TTC7A: variants seen among roughly 807,000 people sequenced by gnomAD.
TTC7A encodes the protein tetratricopeptide repeat domain 7A, also known as tetratricopeptide repeat protein 7A.
In TTC7A, 110 loss-of-function variants were observed where a neutral mutation model predicts 103.7. The ratio of observed to expected loss-of-function variants is 1.06; its 90% CI spans 0.91 to 1.24. TTC7A has a LOEUF of 1.24. TTC7A is among the 50% of genes most tolerant of loss of function. The probability of loss-of-function intolerance (pLI) is 0.00; values close to 1 mark genes in which losing one functional copy is unlikely to be tolerated. For synonymous variants in TTC7A, 521 were observed against 467.9 expected (o/e 1.11, Z -1.47); for missense variants, 1,340 against 1,116.3 (o/e 1.20, Z -2.86).
intron 2 of TTC7A, among the ~76,000 whole-genome samples, chr2:46,952,207 T>A (rs974982243): frequency 1.3e-5 from 2 of 152,086 alleles, no homozygotes; most frequent in East Asian, 3.9e-4. Context: ...GGGAGGTTTG[T>A]ATTGGGTTAA....
At chr2:46,956,645 A>T in intron 2 of TTC7A, 194 bp from the exon 3 acceptor site, 1 of 606,426 alleles carries the variant, frequency 1.6e-6, no homozygotes, top group Non-Finnish European at 2.9e-6. Context: ...TTTATTGAGA[A>T]CCACAATGTA....
chr2:46,994,894 C>T (rs962140010), intron 7 of TTC7A, among the ~76,000 whole-genome samples: 6 of 152,218 alleles, frequency 3.9e-5, no homozygotes, highest in East Asian at 1.9e-4. Flanking sequence ...AGTGCTGGTG[C>T]TGGGAGGAAT....
intron 2 of TTC7A, among the ~76,000 whole-genome samples, chr2:46,920,634 G>C (rs1241066196): frequency 6.9e-6 from 1 of 145,582 alleles, no homozygotes; most frequent in Non-Finnish European, 1.5e-5. Flanking sequence ...CCTGGCCTTA[G>C]TCTTAGGCTT....
At chr2:47,063,030 G>A (rs1683914815) in intron 19 of TTC7A, among the ~76,000 whole-genome samples, 2 of 152,242 alleles carry the variant, frequency 1.3e-5, no homozygotes, top group African/African-American at 4.8e-5. Flanking sequence ...TGTTCAGCCT[G>A]GGGAAGATTT....
At chr2:46,924,269 A>G (rs929839844) in intron 2 of TTC7A, among the ~76,000 whole-genome samples, 1 of 151,044 alleles carries the variant, frequency 6.6e-6, no homozygotes, top group South Asian at 2.1e-4. Flanking sequence ...CCTGTAAACC[A>G]GTAAAACTGT....
rs550329036 is a variant in TTC7A, at chr2:47,030,094, T to A, written c.1802+710T>A. 7.9e-5 allele frequency among the ~76,000 whole-genome samples: 12 copies of A among 152,356 alleles called. No individual in the cohort carries two copies. The East Asian group carries it at 2.3e-3, about 29-fold the overall frequency. On this transcript the variant is annotated intron_variant, in intron 15 of 19. Transcript: ENST00000319190. ...GTGACACTGAGTGTAACAGGCTTTGTTTCTCAGAACCCTGTGATCCCAGAT... is the reference window on the plus strand; with the variant it reads ...GTGACACTGAGTGTAACAGGCTTTGATTCTCAGAACCCTGTGATCCCAGAT...
intron 15 of TTC7A, among the ~76,000 whole-genome samples, chr2:47,034,899 C>G (rs897665215): frequency 2.0e-5 from 3 of 152,294 alleles, no homozygotes; most frequent in South Asian, 4.1e-4. Context: ...CCCGACAAGC[C>G]AGAGCACGTG....
At chr2:47,056,282 CACCCAAATGG>C (rs1683306597) in intron 18 of TTC7A, among the ~76,000 whole-genome samples, 2 of 152,240 alleles carry the variant, frequency 1.3e-5, no homozygotes, top group African/African-American at 4.8e-5. Flanking sequence ...TCCTTTGGGT[CACCCAAATGG>C]CCCCCACTGA....
chr2:47,016,136 A>T (rs2104513940), intron 11 of TTC7A, among the ~76,000 whole-genome samples: 1 of 152,372 alleles, frequency 6.6e-6, no homozygotes, highest in Non-Finnish European at 1.5e-5. Flanking sequence ...GCAAGAAGCC[A>T]GTCTGTGTAG....
intron 2 of TTC7A, among the ~76,000 whole-genome samples, chr2:46,924,288 C>A (rs941289342): frequency 6.6e-5 from 10 of 151,744 alleles, no homozygotes; most frequent in Non-Finnish European, 1.2e-4. Flanking sequence ...GTAAACCCCC[C>A]AGGGAAGCCT....
chr2:47,052,438 G>A (rs1324167987), intron 18 of TTC7A, among the ~76,000 whole-genome samples: 3 of 152,184 alleles, frequency 2.0e-5, no homozygotes, highest in Non-Finnish European at 4.4e-5. Flanking sequence ...GATCTGAAAC[G>A]AGCCAATGTG....
At chr2:46,967,928 A>G (rs1414551093) in intron 3 of TTC7A, among the ~76,000 whole-genome samples, 1 of 150,166 alleles carries the variant, frequency 6.7e-6, no homozygotes, top group Non-Finnish European at 1.5e-5. Context: ...CCGTGGCTGC[A>G]GGGTACCCAA....
At chr2:46,990,480 C>T (rs1045173228) in intron 5 of TTC7A, among the ~76,000 whole-genome samples, 9 of 152,228 alleles carry the variant, frequency 5.9e-5, no homozygotes, top group Non-Finnish European at 1.2e-4. Context: ...TCCCTGCAGG[C>T]ACTTGTGTCC....
chr2:46,986,715 C>T (rs983951065), intron 5 of TTC7A, among the ~76,000 whole-genome samples: 4 of 152,280 alleles, frequency 2.6e-5, no homozygotes, highest in Admixed American at 6.5e-5. Context: ...CAGCTGCCAG[C>T]GAGACTAAGG....
chr2:46,955,424 G>C (rs1364243977), intron 2 of TTC7A, among the ~76,000 whole-genome samples: 1 of 152,170 alleles, frequency 6.6e-6, no homozygotes, highest in Non-Finnish European at 1.5e-5. Context: ...AGAGAGAGCA[G>C]GTCAGGCGTG....
chr2:46,996,539 G>GCAA (rs1283654290), intron 8 of TTC7A, among the ~76,000 whole-genome samples: 1 of 152,222 alleles, frequency 6.6e-6, no homozygotes, highest in Non-Finnish European at 1.5e-5. Flanking sequence ...AATAGGAGCA[G>GCAA]GCGCTGGCCT....
At chr2:46,999,996 G>A (rs972804983) in intron 8 of TTC7A, 4 of 803,010 alleles carry the variant, frequency 5.0e-6, no homozygotes, top group Admixed American at 6.2e-5. Flanking sequence ...TTCACAATCT[G>A]TGTGGCCTGG....
intron 5 of TTC7A, among the ~76,000 whole-genome samples, chr2:46,980,313 G>T (rs1674316027): frequency 1.3e-5 from 2 of 150,438 alleles, no homozygotes; most frequent in Admixed American, 1.3e-4. Flanking sequence ...CCTGCGTTCT[G>T]GGCTCAGGTG....
At position 46,977,595 on chromosome 2, in the gene TTC7A, C is replaced by T. The variant is rs189445960; in HGVS notation, c.649-1197C>T. Reference sequence around the variant, plus strand: ...CCATGCTTGTTTGAGAGGGACAGTACGGTGCCTGGCATATAGCAGGCACTT... The same window carrying T: ...CCATGCTTGTTTGAGAGGGACAGTATGGTGCCTGGCATATAGCAGGCACTT... On this transcript the variant is annotated intron_variant, in intron 4 of 19. Coordinates refer to ENST00000319190, the MANE Select transcript of TTC7A (RefSeq NM_020458.4). Among the ~76,000 whole-genome samples the T allele has an allele frequency of 1.6e-4, 25 of 152,262 alleles. No individual in the cohort carries two copies. The East Asian group carries it at 3.1e-3, about 19-fold the overall frequency.
Sources: allele counts gnomAD v4.1 joint callset (sites outside exome capture counted in the v4.1 genomes callset), GRCh38; gene constraint gnomAD v4.1.1; transcripts MANE v1.5; gene names NCBI Gene and HGNC (gene_info 2026-07-23, HGNC 2026-07-21).